CA10: variants seen among roughly 807,000 people sequenced by gnomAD.
The protein encoded by CA10 is carbonic anhydrase-related protein 10.
In CA10, 14 loss-of-function variants were observed where a neutral mutation model predicts 44.2. That is an observed-to-expected ratio of 0.32 (90% CI 0.21 to 0.50). The LOEUF (loss-of-function observed/expected upper bound fraction) is 0.50, where lower values mean the gene tolerates loss of function less well. Ranked by LOEUF, CA10 falls within the 20% of genes least tolerant of loss-of-function variation. CA10 has a pLI of 0.99. For synonymous variants in CA10, 159 were observed against 141.6 expected (o/e 1.12, Z -0.87); for missense variants, 350 against 409.7 (o/e 0.85, Z 1.26).
chr17:52,117,379 T>C (rs756857278), intron 1 of CA10, among the ~76,000 whole-genome samples: 5 of 152,198 alleles, frequency 3.3e-5, no homozygotes, highest in African/African-American at 7.2e-5. Context: ...TACCTGTTTA[T>C]TGGGCCCTGG....
chr17:51,771,323 C>T (rs1905604108), intron 3 of CA10, among the ~76,000 whole-genome samples: 1 of 151,994 alleles, frequency 6.6e-6, no homozygotes, highest in African/African-American at 2.4e-5. Flanking sequence ...ACTAATGTTA[C>T]ACTTGTTTTA....
intron 4 of CA10, among the ~76,000 whole-genome samples, chr17:51,703,047 G>A (rs1017822157): frequency 5.9e-5 from 9 of 152,096 alleles, no homozygotes; most frequent in African/African-American, 1.4e-4. Context: ...CACTGTGCCC[G>A]TTTAGCAGAG....
intron 4 of CA10, among the ~76,000 whole-genome samples, chr17:51,675,041 G>T (rs1210798449): frequency 6.6e-6 from 1 of 152,158 alleles, no homozygotes; most frequent in South Asian, 2.1e-4. Flanking sequence ...GTTGCCCCCC[G>T]TTGCCTTAAA....
intron 2 of CA10, among the ~76,000 whole-genome samples, chr17:51,992,880 T>C (rs1440084683): frequency 6.6e-6 from 1 of 152,104 alleles, no homozygotes; most frequent in Non-Finnish European, 1.5e-5. Flanking sequence ...TGTTTCCTTT[T>C]CAATTATCAA....
chr17:51,840,248 A>T (rs1204239218), intron 3 of CA10, among the ~76,000 whole-genome samples: 4 of 152,196 alleles, frequency 2.6e-5, no homozygotes, highest in African/African-American at 9.6e-5. Context: ...ACTGCTAGCA[A>T]GGATCAAGAT....
chr17:52,049,675 T>G (rs1465427233), intron 2 of CA10, among the ~76,000 whole-genome samples: 1 of 152,152 alleles, frequency 6.6e-6, no homozygotes, highest in Non-Finnish European at 1.5e-5. Context: ...ATCATTTGTA[T>G]GTTGGCAGGA....
intron 3 of CA10, among the ~76,000 whole-genome samples, chr17:51,848,628 G>C (rs1978605661): frequency 6.6e-6 from 1 of 152,228 alleles, no homozygotes; most frequent in Non-Finnish European, 1.5e-5. Context: ...TCCTCTGAGT[G>C]TGCCCAATAT....
intron 3 of CA10, among the ~76,000 whole-genome samples, chr17:51,886,723 T>A (rs1980619217): frequency 6.6e-6 from 1 of 152,200 alleles, no homozygotes; most frequent in Non-Finnish European, 1.5e-5. Flanking sequence ...TAGTAAAGAA[T>A]ATTGTCCTCA....
intron 1 of CA10, among the ~76,000 whole-genome samples, chr17:52,087,005 C>G (rs371544513): frequency 5.9e-5 from 9 of 152,138 alleles, no homozygotes; most frequent in African/African-American, 2.2e-4. Context: ...TCTCTCAATC[C>G]TCCTACAACC....
intron 4 of CA10, among the ~76,000 whole-genome samples, chr17:51,707,541 A>AAT (rs1915798183): frequency 6.6e-6 from 1 of 152,230 alleles, no homozygotes; most frequent in African/African-American, 2.4e-5. Flanking sequence ...AAATGGTAGG[A>AAT]AATGGCAGAG....
chr17:51,642,187 A>G (rs1335884178), intron 6 of CA10, among the ~76,000 whole-genome samples: 1 of 152,192 alleles, frequency 6.6e-6, no homozygotes, highest in East Asian at 1.9e-4. Context: ...GTGAGTAACT[A>G]CTTAGATTGC....
intron 1 of CA10, among the ~76,000 whole-genome samples, chr17:52,151,753 A>G (rs1009541210): frequency 3.3e-5 from 5 of 152,302 alleles, no homozygotes; most frequent in Admixed American, 6.5e-5. Flanking sequence ...TGATTAATAC[A>G]TGTCAGGCAG....
At chr17:51,798,774 C>T (rs1906813433) in intron 3 of CA10, among the ~76,000 whole-genome samples, 1 of 152,210 alleles carries the variant, frequency 6.6e-6, no homozygotes, top group South Asian at 2.1e-4. Context: ...GATAATAAAA[C>T]ATTTTATCAG....
chr17:52,096,484 C>G (rs1226696251), intron 1 of CA10, among the ~76,000 whole-genome samples: 1 of 152,164 alleles, frequency 6.6e-6, no homozygotes, highest in Non-Finnish European at 1.5e-5. Flanking sequence ...TAAGAATTGG[C>G]TCTGAGGACA....
At chr17:51,908,696 A>G (rs1981666334) in intron 3 of CA10, among the ~76,000 whole-genome samples, 1 of 152,180 alleles carries the variant, frequency 6.6e-6, no homozygotes, top group East Asian at 1.9e-4. Context: ...TACTGGGGAA[A>G]CACAAATCCA....
chr17:51,994,404 T>G (rs1985154901), intron 2 of CA10, among the ~76,000 whole-genome samples: 1 of 152,060 alleles, frequency 6.6e-6, no homozygotes. Context: ...TCAAGTCACG[T>G]TTCTTTTCTA....
chr17:51,826,655 C>A (rs1275452382), intron 3 of CA10, among the ~76,000 whole-genome samples: 1 of 152,176 alleles, frequency 6.6e-6, no homozygotes, highest in Non-Finnish European at 1.5e-5. Context: ...GGGAGGCCGG[C>A]CTTTAGGGTC....
At chr17:52,123,371 G>GGGGTGTGTGTGTGTGTGTGT (rs1555568608) in intron 1 of CA10, among the ~76,000 whole-genome samples, 1 of 146,244 alleles carries the variant, frequency 6.8e-6, no homozygotes, top group African/African-American at 2.6e-5. Flanking sequence ...ATATATATGG[G>GGGGTGTGTGTGTGTGTGTGT]GTGTGTGTGT....
chr17:52,152,406 T>C (rs555403577), intron 1 of CA10, among the ~76,000 whole-genome samples: 10 of 152,250 alleles, frequency 6.6e-5, no homozygotes, highest in Middle Eastern at 3.4e-3. Flanking sequence ...TTTGTTTCAG[T>C]TGGGACATTC....
Sources: allele counts gnomAD v4.1 joint callset (sites outside exome capture counted in the v4.1 genomes callset), GRCh38; gene constraint gnomAD v4.1.1; transcripts MANE v1.5; gene names NCBI Gene and HGNC (gene_info 2026-07-23, HGNC 2026-07-21).